The following ANK1 variants were observed in gnomAD, a reference collection of about 807,000 sequenced individuals.
The protein encoded by ANK1 is ankyrin 1.
A neutral mutation model predicts 210.4 loss-of-function variants in ANK1; 51 were observed. That is an observed-to-expected ratio of 0.24 (90% CI 0.19 to 0.31). The LOEUF (loss-of-function observed/expected upper bound fraction) is 0.31. Ranked by LOEUF, ANK1 falls within the 10% of genes least tolerant of loss-of-function variation. The pLI is 1.00. For synonymous variants in ANK1, 967 were observed against 1,025.9 expected (o/e 0.94, Z 1.10); for missense variants, 2,051 against 2,504.4 (o/e 0.82, Z 3.86).
chr8:41,670,651 T>C (rs928675501), intron 38 of ANK1, among the ~76,000 whole-genome samples: 5 of 152,210 alleles, frequency 3.3e-5, no homozygotes, highest in African/African-American at 1.2e-4. Flanking sequence ...TGTTAGGGTA[T>C]TGGGGCCAGG....
intron 1 of ANK1, among the ~76,000 whole-genome samples, chr8:41,844,711 A>C (rs1809684037): frequency 6.6e-6 from 1 of 152,234 alleles, no homozygotes; most frequent in Non-Finnish European, 1.5e-5. Flanking sequence ...AGGAATAAAA[A>C]GTCTCTAAAG....
At chr8:41,661,752 G>C (rs1808302162) in intron 41 of ANK1, 124 bp downstream of exon 41, 4 of 1,609,856 alleles carry the variant, frequency 2.5e-6, no homozygotes, top group Non-Finnish European at 3.4e-6. Flanking sequence ...GGCAGAGCAA[G>C]GCAGCAGTGA....
intron 24 of ANK1, chr8:41,697,612 C>T: frequency 2.9e-6 from 1 of 341,004 alleles, no homozygotes; most frequent in Non-Finnish European, 5.8e-6. Flanking sequence ...CGTCCGAGTC[C>T]ACTCTTTCTG....
chr8:41,660,483 C>T (rs1341330751), intron 42 of ANK1: 1 of 457,908 alleles, frequency 2.2e-6, no homozygotes, highest in East Asian at 7.0e-5. Flanking sequence ...GCATGAAGGG[C>T]CTCGGGGCAG....
chr8:41,653,418 G>C lies in ANK1; in HGVS notation c.*2372C>G, dbSNP rs879914933. ...ACTTCTAAAAAGCGTCTAATGTGCA[G>C]ACTGCAGCATTCTCTAGGCATCGTG... is the stretch of plus-strand genomic sequence containing the variant. On this transcript the variant is annotated 3_prime_UTR_variant, in exon 43 of 43. Transcript: ENST00000289734. 4.6e-5 allele frequency: 7 copies of C among 152,676 alleles called. No homozygotes were observed. Among genetic ancestry groups the C allele is most frequent in the Admixed American group, 2.0e-4 (3 of 15,290 alleles). The allele number at this position is 152,676 out of a possible 1,614,324, so 9.5% of individuals were successfully genotyped here.
At chr8:41,752,251 G>A (rs1008073921) in intron 2 of ANK1, among the ~76,000 whole-genome samples, 7 of 152,114 alleles carry the variant, frequency 4.6e-5, no homozygotes, top group African/African-American at 1.4e-4. Context: ...CACAGGCCAC[G>A]AGCGCGCAGA....
At chr8:41,731,535 C>T (rs1009870195) in intron 3 of ANK1, among the ~76,000 whole-genome samples, 7 of 151,620 alleles carry the variant, frequency 4.6e-5, no homozygotes, top group African/African-American at 1.5e-4. Context: ...TTTCTAAGTA[C>T]ATTTTAGGAA....
intron 31 of ANK1, 133 bp from the exon 32 acceptor site, chr8:41,690,732 A>T: frequency 7.1e-7 from 1 of 1,413,384 alleles, no homozygotes; most frequent in Non-Finnish European, 9.8e-7. Flanking sequence ...GTGCTGAGAA[A>T]TCCACTGTTT....
intron 1 of ANK1, among the ~76,000 whole-genome samples, chr8:41,814,066 A>T (rs1053732947): frequency 1.3e-5 from 2 of 152,246 alleles, no homozygotes; most frequent in Non-Finnish European, 2.9e-5. Context: ...CTGCCATTTT[A>T]AAAAATTCAT....
chr8:41,884,235 C>T (rs958692568), intron 1 of ANK1, among the ~76,000 whole-genome samples: 2 of 152,118 alleles, frequency 1.3e-5, no homozygotes, highest in Non-Finnish European at 2.9e-5. Flanking sequence ...GTAATCCCAG[C>T]TACTTGGGAG....
intron 1 of ANK1, among the ~76,000 whole-genome samples, chr8:41,816,366 T>C (rs1803333268): frequency 6.6e-6 from 1 of 152,238 alleles, no homozygotes; most frequent in African/African-American, 2.4e-5. Flanking sequence ...ATCTAAGAGA[T>C]GAAAATTTGG....
intron 39 of ANK1, 137 bp downstream of exon 39, chr8:41,668,130 G>A (rs1811132477): frequency 1.3e-5 from 16 of 1,279,476 alleles, no homozygotes; most frequent in East Asian, 2.4e-5. Context: ...CTAGAGAAAC[G>A]GAAGCACCAC....
chr8:41,731,871 G>A (rs1028702644), intron 3 of ANK1, among the ~76,000 whole-genome samples: 2 of 152,250 alleles, frequency 1.3e-5, no homozygotes, highest in African/African-American at 4.8e-5. Context: ...CGGCACACGC[G>A]GGGCAGGTCA....
intron 11 of ANK1, 57 bp from the exon 12 acceptor site, chr8:41,717,759 A>C (rs891304323): frequency 2.2e-6 from 3 of 1,389,794 alleles, no homozygotes; most frequent in Non-Finnish European, 3.0e-6. Context: ...CCCCTGAAGA[A>C]GAGAGAACCT....
At chr8:41,821,379 T>C (rs1399936453) in intron 1 of ANK1, among the ~76,000 whole-genome samples, 1 of 152,212 alleles carries the variant, frequency 6.6e-6, no homozygotes, top group Non-Finnish European at 1.5e-5. Context: ...TGTTGTACTA[T>C]AGTTATCTGT....
At chr8:41,752,457 A>G (rs1189112257) in intron 2 of ANK1, among the ~76,000 whole-genome samples, 1 of 151,902 alleles carries the variant, frequency 6.6e-6, no homozygotes, top group Non-Finnish European at 1.5e-5. Context: ...TTTGGGCTGG[A>G]CCTCTTATCT....
Position 41,704,493 on chromosome 8 carries a change from A to C in ANK1, c.2098-21T>G, listed in dbSNP as rs774713603. Reference sequence around the variant, plus strand: ...CCCATCTGAAAAGCAGATGAGAAGGAGTGACCGGAGCTGTCCTGAGCTGGG... The same window carrying C: ...CCCATCTGAAAAGCAGATGAGAAGGCGTGACCGGAGCTGTCCTGAGCTGGG... On this transcript the variant is annotated intron_variant, in intron 18 of 42. Transcript: ENST00000289734. The surrounding 1 kb of genome is among the most constrained non-coding windows in gnomAD (Gnocchi z 4.1). The C allele has an allele frequency of 1.3e-6, 2 of 1,598,812 alleles. No homozygotes were observed. Among genetic ancestry groups the C allele is most frequent in the Admixed American group, 3.3e-5 (2 of 59,988 alleles).
chr8:41,732,538 G>T (rs977393175), intron 3 of ANK1, among the ~76,000 whole-genome samples: 1 of 151,726 alleles, frequency 6.6e-6, no homozygotes, highest in Non-Finnish European at 1.5e-5. Flanking sequence ...TCAGCTTCCC[G>T]AGTAGCTGGG....
intron 1 of ANK1, among the ~76,000 whole-genome samples, chr8:41,805,161 C>T (rs879359719): frequency 6.9e-6 from 1 of 145,798 alleles, no homozygotes; most frequent in African/African-American, 2.8e-5. Flanking sequence ...AGCTCTTTCT[C>T]TCTCTCTCTT....
Sources: gnomAD v4.1 joint callset for allele counts (sites outside exome capture counted in the v4.1 genomes callset) on GRCh38, gnomAD v4.1.1 for gene constraint, Gnocchi (gnomAD v3.1) non-coding constraint, MANE v1.5 for transcripts, NCBI Gene and HGNC (gene_info 2026-07-23, HGNC 2026-07-21) for gene names.